SNTB2: variants seen among roughly 807,000 people sequenced by gnomAD.
The protein encoded by SNTB2 is syntrophin beta 2, also known as beta-2-syntrophin.
A neutral mutation model predicts 46.2 loss-of-function variants in SNTB2; 34 were observed. That is an observed-to-expected ratio of 0.74 (90% CI 0.56 to 0.98). SNTB2 has a LOEUF of 0.98. SNTB2 is among the 50% of genes least tolerant of loss of function. The pLI, the probability that SNTB2 is intolerant of heterozygous loss-of-function variation, is 0.00. For synonymous variants in SNTB2, 290 were observed against 312.6 expected, an observed-to-expected ratio of 0.93 and a Z score of 0.76; for missense variants, 603 against 731.4, an observed-to-expected ratio of 0.82 and a Z score of 2.02.
rs1185331692 is a variant in SNTB2 at position 69,270,246 on chromosome 16, G to A, written c.1109G>A (p.Trp370Ter). 6.2e-7 allele frequency: 1 copy of A among 1,614,062 alleles called. No homozygotes were observed. Among genetic ancestry groups the A allele is most frequent in the Admixed American group, 1.7e-5 (1 of 59,976 alleles). The change falls in exon 4 of 7, where the codon TGG becomes TAG. Residue 370 changes from tryptophan to a stop codon, truncating the protein, a stop_gained. Coordinates refer to ENST00000336278, the MANE Select transcript of SNTB2 (RefSeq NM_006750.4). LOFTEE classifies it high-confidence loss of function. ...TGTATGCCGTGGACAAGAGATGCCTGGGCGTCACCATGCCACAGCTACCCA... is the reference window on the plus strand; with the variant it reads ...TGTATGCCGTGGACAAGAGATGCCTAGGCGTCACCATGCCACAGCTACCCA... ...YDCMPWTRDAWASPCHSYPLV... is the reference protein window; with the variant it reads ...YDCMPWTRDA
At chr16:69,246,906 G>A (rs1275947722) in intron 2 of SNTB2, among the ~76,000 whole-genome samples, 3 of 107,352 alleles carry the variant, frequency 2.8e-5, no homozygotes, top group Non-Finnish European at 3.7e-5. Flanking sequence ...GGTGGGGTGG[G>A]GGGAGGGGGG....
chr16:69,208,210 C>T (rs1427214210), intron 1 of SNTB2, among the ~76,000 whole-genome samples: 1 of 151,154 alleles, frequency 6.6e-6, no homozygotes, highest in East Asian at 1.9e-4. Flanking sequence ...AGTTTGAGAC[C>T]AGCCTGACCA....
intron 4 of SNTB2, among the ~76,000 whole-genome samples, chr16:69,279,991 A>G (rs1353096568): frequency 6.6e-6 from 1 of 152,120 alleles, no homozygotes; most frequent in Non-Finnish European, 1.5e-5. Flanking sequence ...TGGTTTTCCT[A>G]TGCAGGGGAC....
intron 5 of SNTB2, among the ~76,000 whole-genome samples, chr16:69,293,178 TGATA>T (rs946189899): frequency 3.3e-5 from 5 of 152,224 alleles, no homozygotes; most frequent in Admixed American, 6.5e-5. Flanking sequence ...CTCTTCCTAG[TGATA>T]GATCTTTTCA....
At chr16:69,222,057 T>G (rs1469654385) in intron 1 of SNTB2, among the ~76,000 whole-genome samples, 2 of 152,250 alleles carry the variant, frequency 1.3e-5, no homozygotes, top group Admixed American at 1.3e-4. Flanking sequence ...CAACATTGTT[T>G]TAAAACTTCC....
At chr16:69,187,798 G>A (rs1174208240) in intron 1 of SNTB2, 52 bp downstream of exon 1, 2 of 1,332,616 alleles carry the variant, frequency 1.5e-6, no homozygotes, top group South Asian at 1.7e-5. Flanking sequence ...CTGGGCTCGC[G>A]GGAGCTCACT....
chr16:69,218,090 T>C (rs570372010), intron 1 of SNTB2, among the ~76,000 whole-genome samples: 1 of 152,354 alleles, frequency 6.6e-6, no homozygotes, highest in South Asian at 2.1e-4. Flanking sequence ...GGTATAGCTC[T>C]ATAATTCATG....
chr16:69,295,194 T>G (rs990246427), intron 5 of SNTB2, among the ~76,000 whole-genome samples: 1 of 151,198 alleles, frequency 6.6e-6, no homozygotes, highest in Non-Finnish European at 1.5e-5. Context: ...TTTCTATTTC[T>G]GGTAACAACC....
At chr16:69,271,037 G>A (rs554049369) in intron 4 of SNTB2, among the ~76,000 whole-genome samples, 1 of 152,256 alleles carries the variant, frequency 6.6e-6, no homozygotes, top group Admixed American at 6.5e-5. Context: ...TATCCCAGTG[G>A]GAATAGTGGG....
At chr16:69,250,214 G>A (rs1964713116) in intron 2 of SNTB2, among the ~76,000 whole-genome samples, 2 of 152,184 alleles carry the variant, frequency 1.3e-5, no homozygotes, top group Non-Finnish European at 2.9e-5. Flanking sequence ...AGACATAAAA[G>A]TAGTAGGATT....
rs868747890 is a variant in SNTB2, at chr16:69,231,262, G to C, written c.581-14340G>C. 4 of 152,282 alleles carry C rather than the reference G, an allele frequency of 2.6e-5. No individual in the cohort carries two copies. In the South Asian group the frequency reaches 6.2e-4, roughly 24 times the overall value. The allele number at this position is 152,282 out of a possible 1,614,324, so 9.4% of individuals were successfully genotyped here. On this transcript the variant is annotated intron_variant, in intron 1 of 6. Coordinates refer to ENST00000336278, the MANE Select transcript of SNTB2 (RefSeq NM_006750.4). ...CATAAAGCAGTGCTGCTTTTTAGGGGAGAGAAGTATAAAGCGTAGAATTGA... is the reference window on the plus strand; with the variant it reads ...CATAAAGCAGTGCTGCTTTTTAGGGCAGAGAAGTATAAAGCGTAGAATTGA...
intron 1 of SNTB2, among the ~76,000 whole-genome samples, chr16:69,194,145 C>T (rs541494480): frequency 2.0e-5 from 3 of 152,218 alleles, no homozygotes; most frequent in South Asian, 4.1e-4. Flanking sequence ...GATTCAAGGC[C>T]ATATCTGGGT....
At position 69,260,187 on chromosome 16, in the gene SNTB2, A is replaced by G. The variant is rs765396244; in HGVS notation, c.932A>G (p.Asn311Ser). ...CTCCCACAGGTGTTGGCTGAACTCA[A>G]CGCCATGCTTGGGGCAACCAGTACA... ...ALLPQVLAEL[N>S]AMLGATSTAG... The change falls in exon 3 of 7, where the codon AAC becomes AGC. Residue 311 changes from asparagine (N) to serine (S), a missense_variant. Physicochemically the swap from Asn to Ser is conservative, Grantham distance 46. Transcript: ENST00000336278. The G allele has an allele frequency of 3.7e-6, 6 of 1,614,026 alleles. No homozygotes were observed. Among genetic ancestry groups the G allele is most frequent in the East Asian group, 2.2e-5 (1 of 44,892 alleles).
Position 69,187,740 on chromosome 16 carries a change from C to CT in SNTB2, c.575dup (p.Glu193GlyfsTer34). On this transcript the variant is annotated frameshift_variant, in exon 1 of 7. Coordinates refer to ENST00000336278, the MANE Select transcript of SNTB2 (RefSeq NM_006750.4). LOFTEE classifies it high-confidence loss of function. The stretch of plus-strand genomic sequence containing the variant: ...GAAGCGCGCGGGCAAGGAGGTGCTG[C>CT]TGGAGGGTGAGCGGGGCCGGGCGGG... The CT allele has an allele frequency of 1.5e-6, 1 of 670,028 alleles. No homozygotes were observed. The highest frequency in any genetic ancestry group is 1.6e-5 in the South Asian group (1 of 63,478). The allele number at this position is 670,028 out of a possible 1,614,324, so 41.5% of individuals were successfully genotyped here.
chr16:69,217,575 A>G (rs1394599951), intron 1 of SNTB2, among the ~76,000 whole-genome samples: 1 of 152,262 alleles, frequency 6.6e-6, no homozygotes, highest in Non-Finnish European at 1.5e-5. Context: ...GTTTTTAACT[A>G]TAAAGACCCA....
At chr16:69,251,893 C>T (rs139573016) in intron 2 of SNTB2, among the ~76,000 whole-genome samples, 2,223 of 152,152 alleles carry the variant, frequency 0.015, 25 homozygotes, top group Middle Eastern at 0.027. Context: ...TGAGACCAGC[C>T]GGGCCAACAT....
Position 69,292,369 on chromosome 16 carries a change from T to TA in SNTB2, c.1346-7220dup, listed in dbSNP as rs1338051003. On this transcript the variant is annotated intron_variant, in intron 5 of 6. Coordinates refer to ENST00000336278, the MANE Select transcript of SNTB2 (RefSeq NM_006750.4). ...ACCTTATTTTTTATATATATATATATATATATATATTATATATATATTATA... is the reference window on the plus strand; with the variant it reads ...ACCTTATTTTTTATATATATATATATAATATATATATTATATATATATTATA... 2.3e-3 allele frequency among the ~76,000 whole-genome samples: 75 copies of TA among 32,384 alleles called. 10 individuals are homozygous for TA. The highest frequency in any genetic ancestry group is 8.5e-3 in the African/African-American group (57 of 6,724). 21.2% of individuals were successfully genotyped at this position (32,384 alleles called of 152,430 possible). A position where few individuals can be genotyped will look rare whatever the true frequency, so the allele number is the denominator to read the frequency against.
At chr16:69,273,486 A>G (rs1964957212) in intron 4 of SNTB2, among the ~76,000 whole-genome samples, 1 of 152,210 alleles carries the variant, frequency 6.6e-6, no homozygotes, top group African/African-American at 2.4e-5. Context: ...AAACAACCAC[A>G]TACTGTATTT....
chr16:69,258,803 G>A (rs981724226), intron 2 of SNTB2, among the ~76,000 whole-genome samples: 11 of 151,798 alleles, frequency 7.2e-5, no homozygotes, highest in African/African-American at 2.7e-4. Flanking sequence ...AGTAGAGACA[G>A]GGTTTAGCCA....
Sources: gnomAD v4.1 joint callset for allele counts (sites outside exome capture counted in the v4.1 genomes callset) on GRCh38, gnomAD v4.1.1 for gene constraint, MANE v1.5 for transcripts, NCBI Gene and HGNC (gene_info 2026-07-23, HGNC 2026-07-21) for gene names.